Variants in DLGAP2 observed in about 807,000 individuals in gnomAD.
DLGAP2 encodes DLG associated protein 2.
A neutral mutation model predicts 100.3 loss-of-function variants in DLGAP2; 26 were observed. That is an observed-to-expected ratio of 0.26 (90% CI 0.19 to 0.36). The LOEUF (loss-of-function observed/expected upper bound fraction) is 0.36. DLGAP2 is among the 10% of genes least tolerant of loss of function. The probability of loss-of-function intolerance (pLI) is 1.00; values close to 1 mark genes in which losing one functional copy is unlikely to be tolerated. For synonymous variants in DLGAP2, 886 were observed against 630.1 expected, an observed-to-expected ratio of 1.41 and a Z score of -6.08; for missense variants, 1,858 against 1,453.2, an observed-to-expected ratio of 1.28 and a Z score of -4.53.
chr8:1,150,819 A>C (rs978263458), intron 2 of DLGAP2, among the ~76,000 whole-genome samples: 1 of 152,256 alleles, frequency 6.6e-6, no homozygotes, highest in Non-Finnish European at 1.5e-5. Context: ...GAGAATCTGA[A>C]AAACTAAATA....
chr8:988,575 G>T (rs1202878073), intron 2 of DLGAP2, among the ~76,000 whole-genome samples: 2 of 152,106 alleles, frequency 1.3e-5, no homozygotes, highest in Non-Finnish European at 2.9e-5. Context: ...TGTCCCTGGG[G>T]GTGTCTGGCC....
chr8:1,027,776 C>T (rs1195320028), intron 2 of DLGAP2, among the ~76,000 whole-genome samples: 9 of 114,576 alleles, frequency 7.9e-5, no homozygotes, highest in African/African-American at 2.8e-4. Context: ...GGGTGTCAGG[C>T]GCCCGTTATT....
chr8:1,219,549 T>C (rs1798276891), intron 2 of DLGAP2, among the ~76,000 whole-genome samples: 1 of 152,200 alleles, frequency 6.6e-6, no homozygotes, highest in South Asian at 2.1e-4. Flanking sequence ...TGTGTCTATG[T>C]TTATCAGGAT....
intron 3 of DLGAP2, among the ~76,000 whole-genome samples, chr8:1,303,562 G>T (rs997407956): frequency 1.5e-4 from 23 of 152,214 alleles, no homozygotes; most frequent in African/African-American, 5.3e-4. Flanking sequence ...GGTTTAATGC[G>T]TTATTTATTT....
At chr8:1,519,048 T>G (rs1417027540) in intron 4 of DLGAP2, among the ~76,000 whole-genome samples, 1 of 152,114 alleles carries the variant, frequency 6.6e-6, no homozygotes, top group African/African-American at 2.4e-5. Flanking sequence ...GAGCCACAGA[T>G]AGGAGCCTGT....
At chr8:1,041,582 A>C (rs369176377) in intron 2 of DLGAP2, among the ~76,000 whole-genome samples, 1 of 61,450 alleles carries the variant, frequency 1.6e-5, no homozygotes, top group Non-Finnish European at 3.4e-5. Flanking sequence ...TGTTCTCCGA[A>C]CCCCTTGCCG....
chr8:1,147,893 A>G (rs116262852), intron 2 of DLGAP2, among the ~76,000 whole-genome samples: 5,614 of 152,222 alleles, frequency 0.037, 230 homozygotes, highest in African/African-American at 0.11. Flanking sequence ...ATATTTGCTA[A>G]TGTTTTATTT....
At chr8:1,579,261 G>C (rs1257757676) in intron 6 of DLGAP2, among the ~76,000 whole-genome samples, 1 of 151,996 alleles carries the variant, frequency 6.6e-6, no homozygotes, top group Non-Finnish European at 1.5e-5. Context: ...CATATCATAT[G>C]TAAAGATAAA....
chr8:1,674,232 A>G (rs1360519297), intron 10 of DLGAP2, among the ~76,000 whole-genome samples: 1 of 151,896 alleles, frequency 6.6e-6, no homozygotes, highest in Non-Finnish European at 1.5e-5. Flanking sequence ...TTTTGTAGAG[A>G]TGGGGTCTTG....
rs1252496484 is a variant in DLGAP2, at chr8:1,669,775, A to G, written c.2193A>G (p.Pro731=). 3.8e-6 allele frequency: 3 copies of G among 780,870 alleles called. No homozygotes were observed. The highest frequency in any genetic ancestry group is 2.3e-4 in the Middle Eastern group (1 of 4,442). The allele number at this position is 780,870 out of a possible 1,614,324, so 48.4% of individuals were successfully genotyped here. Residue 731 remains proline, a synonymous_variant, in exon 10 of 15, where the codon CCA becomes CCG. Coordinates refer to ENST00000637795, the MANE Select transcript of DLGAP2 (RefSeq NM_001346810.2). Reference sequence around the variant, plus strand: ...AATTCCCAGAGCATCAGCCATACCCAAGGTCAGATGTAAGTACCGAAATGT... The same window carrying G: ...AATTCCCAGAGCATCAGCCATACCCGAGGTCAGATGTAAGTACCGAAATGT... The part of the protein sequence containing the change: ...DSEFPEHQPY[P]RSDVETATDS...
chr8:1,185,735 ACACACACACACT>A (rs1797487708), intron 2 of DLGAP2, among the ~76,000 whole-genome samples: 1 of 114,752 alleles, frequency 8.7e-6, no homozygotes, highest in Non-Finnish European at 2.0e-5. Context: ...ACTCACACTC[ACACACACACACT>A]CACACACATT....
intron 2 of DLGAP2, among the ~76,000 whole-genome samples, chr8:973,273 CG>C (rs1800066499): frequency 6.8e-6 from 1 of 146,316 alleles, no homozygotes; most frequent in Non-Finnish European, 1.5e-5. Flanking sequence ...CCCTCCCGGA[CG>C]GGGCAGCTGG....
intron 1 of DLGAP2, among the ~76,000 whole-genome samples, chr8:905,351 C>T (rs1281750002): frequency 6.6e-6 from 1 of 152,102 alleles, no homozygotes; most frequent in Non-Finnish European, 1.5e-5. Context: ...TACTTGGCTC[C>T]ATGAGAATGG....
At chr8:943,006 G>A (rs754884465) in intron 2 of DLGAP2, among the ~76,000 whole-genome samples, 1 of 152,230 alleles carries the variant, frequency 6.6e-6, no homozygotes, top group Non-Finnish European at 1.5e-5. Flanking sequence ...TTCGGGGTTG[G>A]ATTGTGGGTT....
At chr8:1,480,705 A>C (rs934317581) in intron 3 of DLGAP2, among the ~76,000 whole-genome samples, 4 of 151,122 alleles carry the variant, frequency 2.6e-5, no homozygotes, top group African/African-American at 9.7e-5. Context: ...ATAAAAAAAA[A>C]AACCTACAAA....
At chr8:882,040 G>A (rs1057453197) in intron 1 of DLGAP2, among the ~76,000 whole-genome samples, 1 of 152,048 alleles carries the variant, frequency 6.6e-6, no homozygotes, top group African/African-American at 2.4e-5. Context: ...GTTCATTCTG[G>A]GCACTGAATT....
chr8:855,766 G>A (rs1797265409), intron 1 of DLGAP2, among the ~76,000 whole-genome samples: 1 of 152,210 alleles, frequency 6.6e-6, no homozygotes, highest in Non-Finnish European at 1.5e-5. Flanking sequence ...ATCAGTTGAT[G>A]TAATCATCGC....
At chr8:1,191,096 T>G (rs1473311812) in intron 2 of DLGAP2, among the ~76,000 whole-genome samples, 1 of 152,172 alleles carries the variant, frequency 6.6e-6, no homozygotes, top group Non-Finnish European at 1.5e-5. Flanking sequence ...AGTGTTTGAT[T>G]TATTTACGTG....
At chr8:1,647,294 G>T (rs1403566232) in intron 8 of DLGAP2, among the ~76,000 whole-genome samples, 1 of 151,744 alleles carries the variant, frequency 6.6e-6, no homozygotes, top group Non-Finnish European at 1.5e-5. Context: ...TCTTTATCCT[G>T]GCTAACACGG....
Sources: allele counts gnomAD v4.1 joint callset (sites outside exome capture counted in the v4.1 genomes callset), GRCh38; gene constraint gnomAD v4.1.1; transcripts MANE v1.5; gene names NCBI Gene and HGNC (gene_info 2026-07-23, HGNC 2026-07-21).